Variants in LRRC4C observed in about 807,000 individuals in gnomAD.
The protein encoded by LRRC4C is leucine rich repeat containing 4C.
A neutral mutation model predicts 33.6 loss-of-function variants in LRRC4C; 5 were observed. That is an observed-to-expected ratio of 0.15 (90% CI 0.08 to 0.31). The LOEUF (loss-of-function observed/expected upper bound fraction) is 0.31, where lower values mean the gene tolerates loss of function less well. Among genes scored for constraint, LRRC4C ranks in the 10% least tolerant of loss-of-function variants. The pLI is 1.00. For synonymous variants in LRRC4C, 329 were observed against 302.0 expected, an observed-to-expected ratio of 1.09 and a Z score of -0.93; for missense variants, 560 against 796.7, an observed-to-expected ratio of 0.70 and a Z score of 3.58.
intron 1 of LRRC4C, among the ~76,000 whole-genome samples, chr11:41,011,364 C>T (rs11036190): frequency 0.13 from 19,570 of 151,954 alleles, 1,380 homozygotes; most frequent in Middle Eastern, 0.2. Context: ...ATATATAGTA[C>T]ATCTTCTGCT....
At chr11:40,586,521 T>C (rs1212710210) in intron 3 of LRRC4C, among the ~76,000 whole-genome samples, 1 of 148,858 alleles carries the variant, frequency 6.7e-6, no homozygotes, top group Non-Finnish European at 1.5e-5. Flanking sequence ...GCCATTGATT[T>C]TGGTGTTTTA....
intron 1 of LRRC4C, among the ~76,000 whole-genome samples, chr11:41,232,204 C>A (rs1947833557): frequency 6.6e-6 from 1 of 151,968 alleles, no homozygotes; most frequent in African/African-American, 2.4e-5. Context: ...TTCTTGGTTC[C>A]TATTGTAATC....
At chr11:40,778,528 A>C (rs1270998931) in intron 2 of LRRC4C, among the ~76,000 whole-genome samples, 1 of 152,086 alleles carries the variant, frequency 6.6e-6, no homozygotes, top group Non-Finnish European at 1.5e-5. Flanking sequence ...TACTTTAATG[A>C]AAAAACAATA....
chr11:40,123,341 A>G (rs1039777973), intron 6 of LRRC4C, among the ~76,000 whole-genome samples: 2 of 152,168 alleles, frequency 1.3e-5, no homozygotes, highest in Non-Finnish European at 2.9e-5. Context: ...TTATATTTGG[A>G]AAACCCTAAG....
chr11:40,533,260 A>G (rs1591025908), intron 3 of LRRC4C, among the ~76,000 whole-genome samples: 1 of 152,318 alleles, frequency 6.6e-6, no homozygotes, highest in East Asian at 1.9e-4. Context: ...TAGAATAATT[A>G]TAACATTCTC....
chr11:40,656,625 C>T (rs1427683548), intron 2 of LRRC4C, among the ~76,000 whole-genome samples: 1 of 152,122 alleles, frequency 6.6e-6, no homozygotes, highest in Non-Finnish European at 1.5e-5. Flanking sequence ...AATTTACAAA[C>T]CTTCTGTTCC....
intron 3 of LRRC4C, among the ~76,000 whole-genome samples, chr11:40,605,818 A>G (rs1427813916): frequency 1.3e-5 from 2 of 152,218 alleles, no homozygotes; most frequent in East Asian, 1.9e-4. Context: ...CAGCATGGAA[A>G]GAATGAGAGA....
intron 1 of LRRC4C, among the ~76,000 whole-genome samples, chr11:41,299,819 G>C (rs1481937050): frequency 1.3e-5 from 2 of 152,034 alleles, no homozygotes; most frequent in African/African-American, 4.8e-5. Context: ...TGTTTATGAA[G>C]ACTTGATAAC....
At position 40,948,847 on chromosome 11, in the gene LRRC4C, T is replaced by C. The variant is rs1420948227; in HGVS notation, c.-495-15124A>G. On this transcript the variant is annotated intron_variant, in intron 1 of 6. Coordinates refer to ENST00000528697, the MANE Select transcript of LRRC4C (RefSeq NM_001258419.2). Reference sequence around the variant, plus strand: ...AAACATACGTGTGCATGTGTCTTTATAGTAGCATGATTTATAGTCCTTTGG... The same window carrying C: ...AAACATACGTGTGCATGTGTCTTTACAGTAGCATGATTTATAGTCCTTTGG... Among the ~76,000 whole-genome samples the C allele has an allele frequency of 4.6e-5, 7 of 151,956 alleles. No homozygotes were observed. The South Asian group carries it at 1.2e-3, about 27-fold the overall frequency.
intron 4 of LRRC4C, among the ~76,000 whole-genome samples, chr11:40,259,393 T>G (rs1262055035): frequency 2.0e-5 from 3 of 152,158 alleles, no homozygotes; most frequent in Non-Finnish European, 4.4e-5. Flanking sequence ...TTTCTTTTGC[T>G]GTGCAGAAGC....
chr11:40,368,489 C>A (rs566378625), intron 3 of LRRC4C, among the ~76,000 whole-genome samples: 1 of 152,056 alleles, frequency 6.6e-6, no homozygotes, highest in Non-Finnish European at 1.5e-5. Flanking sequence ...TTTATTCAAC[C>A]AATGTCTTTA....
At chr11:41,002,888 A>G (rs1854485460) in intron 1 of LRRC4C, among the ~76,000 whole-genome samples, 1 of 152,212 alleles carries the variant, frequency 6.6e-6, no homozygotes, top group East Asian at 1.9e-4. Context: ...TATGCATAGA[A>G]AAACAAATGC....
chr11:40,776,527 C>T (rs1950002827), intron 2 of LRRC4C, among the ~76,000 whole-genome samples: 1 of 151,998 alleles, frequency 6.6e-6, no homozygotes, highest in South Asian at 2.1e-4. Flanking sequence ...TAGAGGTGTT[C>T]ATAATAGTCT....
chr11:41,251,024 G>A (rs538897917), intron 1 of LRRC4C, among the ~76,000 whole-genome samples: 7 of 152,072 alleles, frequency 4.6e-5, no homozygotes, highest in Admixed American at 3.9e-4. Flanking sequence ...GTTAATTTTT[G>A]TAGACCACTA....
At chr11:41,030,230 A>T (rs1002749729) in intron 1 of LRRC4C, among the ~76,000 whole-genome samples, 4 of 151,916 alleles carry the variant, frequency 2.6e-5, no homozygotes, top group Admixed American at 2.0e-4. Context: ...ACAATGGGAC[A>T]TATTTTCTAT....
At chr11:41,282,477 C>A (rs1294988384) in intron 1 of LRRC4C, among the ~76,000 whole-genome samples, 4 of 152,158 alleles carry the variant, frequency 2.6e-5, no homozygotes, top group African/African-American at 9.7e-5. Context: ...CTGCACTAAC[C>A]AATTCCAATG....
At chr11:40,839,304 G>T (rs184922356) in intron 2 of LRRC4C, among the ~76,000 whole-genome samples, 2 of 151,776 alleles carry the variant, frequency 1.3e-5, no homozygotes, top group Non-Finnish European at 2.9e-5. Context: ...GCACAATCTC[G>T]GCTTACTGCA....
Position 41,393,316 on chromosome 11 carries a change from A to T in LRRC4C, c.-496+66115T>A, listed in dbSNP as rs367647783. 5.9e-5 allele frequency among the ~76,000 whole-genome samples: 9 copies of T among 152,018 alleles called. No homozygotes were observed. The South Asian group carries it at 1.9e-3, about 32-fold the overall frequency. ...GGTTGCTCAATGGATCTGTGACACC[A>T]AAAAGGCCTTTTTCCTTTGAGATTA... is the stretch of plus-strand genomic sequence containing the variant. On this transcript the variant is annotated intron_variant, in intron 1 of 6. Coordinates refer to ENST00000528697, the MANE Select transcript of LRRC4C (RefSeq NM_001258419.2).
At chr11:41,258,639 A>G (rs1345244366) in intron 1 of LRRC4C, among the ~76,000 whole-genome samples, 1 of 151,972 alleles carries the variant, frequency 6.6e-6, no homozygotes, top group Non-Finnish European at 1.5e-5. Flanking sequence ...TTTATATCTT[A>G]TAGAAGGAAG....
Sources: allele counts gnomAD v4.1 joint callset (sites outside exome capture counted in the v4.1 genomes callset), GRCh38; gene constraint gnomAD v4.1.1; transcripts MANE v1.5; gene names NCBI Gene and HGNC (gene_info 2026-07-23, HGNC 2026-07-21).